STXBP6: variants seen among roughly 807,000 people sequenced by gnomAD.
The protein encoded by STXBP6 is syntaxin binding protein 6.
In STXBP6, 21 loss-of-function variants were observed where a neutral mutation model predicts 26.9. That is an observed-to-expected ratio of 0.78 (90% CI 0.55 to 1.12). STXBP6 has a LOEUF of 1.12. STXBP6 is among the 50% of genes most tolerant of loss of function. STXBP6 has a pLI of 0.00. For missense variants in STXBP6, 232 were observed against 257.9 expected, an observed-to-expected ratio of 0.90 and a Z score of 0.69; for synonymous variants, 97 against 92.6, an observed-to-expected ratio of 1.05 and a Z score of -0.27.
chr14:24,938,993 A>AAAT (rs964612333), intron 2 of STXBP6, among the ~76,000 whole-genome samples: 7 of 152,136 alleles, frequency 4.6e-5, no homozygotes, highest in Non-Finnish European at 1.0e-4. Flanking sequence ...TAAAACTGAA[A>AAAT]AATAATAATA....
intron 2 of STXBP6, among the ~76,000 whole-genome samples, chr14:24,881,412 T>C (rs1223302863): frequency 6.6e-6 from 1 of 152,212 alleles, no homozygotes; most frequent in African/African-American, 2.4e-5. Context: ...TATTTGAGAC[T>C]CCATTCAAAA....
chr14:25,009,289 C>G (rs543531343), intron 1 of STXBP6, among the ~76,000 whole-genome samples: 1 of 152,284 alleles, frequency 6.6e-6, no homozygotes, highest in Admixed American at 6.5e-5. Flanking sequence ...AAAACCTAAA[C>G]ATACAGCTTT....
At chr14:24,989,560 C>T (rs1416941070) in intron 1 of STXBP6, among the ~76,000 whole-genome samples, 1 of 152,154 alleles carries the variant, frequency 6.6e-6, no homozygotes, top group African/African-American at 2.4e-5. Context: ...TGATAAAGTG[C>T]CACAAAGCAG....
At position 25,003,971 on chromosome 14, in the gene STXBP6, A is replaced by T. The variant is rs191732164; in HGVS notation, c.-32-29121T>A. Among the ~76,000 whole-genome samples the T allele has an allele frequency of 4.8e-4, 73 of 152,360 alleles. 1 individual carries two copies. The Middle Eastern group carries it at 0.014, about 28-fold the overall frequency. The stretch of plus-strand genomic sequence containing the variant: ...TCATTAAACATTTATTGTGCCATAC[A>T]TAATATATAAAGCACTGTTTATGCT... On this transcript the variant is annotated intron_variant, in intron 1 of 5. Transcript: ENST00000323944.
At chr14:24,836,555 C>T (rs1245824813) in intron 4 of STXBP6, among the ~76,000 whole-genome samples, 3 of 136,866 alleles carry the variant, frequency 2.2e-5, no homozygotes, top group Non-Finnish European at 4.6e-5. Context: ...GCTGACATCA[C>T]ACCACTGCAC....
intron 2 of STXBP6, among the ~76,000 whole-genome samples, chr14:24,900,636 G>A (rs768936673): frequency 6.6e-6 from 1 of 152,196 alleles, no homozygotes; most frequent in Non-Finnish European, 1.5e-5. Context: ...CCGAGCTACT[G>A]TGGCTTAGTC....
chr14:25,035,242 C>T (rs917625343), intron 1 of STXBP6, among the ~76,000 whole-genome samples: 8 of 152,114 alleles, frequency 5.3e-5, no homozygotes, highest in African/African-American at 1.9e-4. Context: ...GCAGTGCTTA[C>T]TGTACCTCTG....
intron 2 of STXBP6, among the ~76,000 whole-genome samples, chr14:24,868,913 A>G (rs2069822557): frequency 6.6e-6 from 1 of 152,180 alleles, no homozygotes; most frequent in South Asian, 2.1e-4. Context: ...ATGCCTAATG[A>G]ATTGGAGGCC....
intron 2 of STXBP6, among the ~76,000 whole-genome samples, chr14:24,955,394 G>A (rs571570118): frequency 1.3e-4 from 20 of 152,242 alleles, no homozygotes; most frequent in African/African-American, 4.1e-4. Context: ...CTGCTGCAGC[G>A]CCTTCATCTT....
chr14:24,829,783 C>T (rs533657596), intron 4 of STXBP6, among the ~76,000 whole-genome samples: 1 of 151,960 alleles, frequency 6.6e-6, no homozygotes, highest in South Asian at 2.1e-4. Flanking sequence ...CACACATTGT[C>T]CCCACCCCAT....
chr14:24,827,315 A>G (rs980378890), intron 4 of STXBP6, among the ~76,000 whole-genome samples: 2 of 152,350 alleles, frequency 1.3e-5, no homozygotes, highest in South Asian at 2.1e-4. Flanking sequence ...TATGTGCTCA[A>G]TGTACTCTGT....
At chr14:24,819,709 C>G (rs2138747864) in intron 4 of STXBP6, among the ~76,000 whole-genome samples, 1 of 152,268 alleles carries the variant, frequency 6.6e-6, no homozygotes, top group African/African-American at 2.4e-5. Flanking sequence ...CATTTTACCC[C>G]TTCATCCAGC....
intron 2 of STXBP6, among the ~76,000 whole-genome samples, chr14:24,887,109 T>A (rs983758868): frequency 6.6e-6 from 1 of 152,222 alleles, no homozygotes; most frequent in Non-Finnish European, 1.5e-5. Context: ...CAGAAATGTA[T>A]AAGCTCTTGA....
intron 2 of STXBP6, among the ~76,000 whole-genome samples, chr14:24,871,003 C>G (rs2069911529): frequency 1.3e-5 from 2 of 151,962 alleles, no homozygotes; most frequent in African/African-American, 4.8e-5. Flanking sequence ...TTTATAGGCT[C>G]ATTCTTTGGC....
chr14:25,023,775 A>G (rs746757118), intron 1 of STXBP6, among the ~76,000 whole-genome samples: 6 of 152,114 alleles, frequency 3.9e-5, no homozygotes, highest in Admixed American at 6.5e-5. Context: ...GGGCAATGGA[A>G]GAAGACTGGA....
Position 24,851,317 on chromosome 14 carries a change from A to C in STXBP6, c.451+4619T>G, listed in dbSNP as rs1302778412. ...TTAGTTACACATGTATACATGTGCCATGTTGGTGTGCTGCACCCAGTAACT... is the reference window on the plus strand; with the variant it reads ...TTAGTTACACATGTATACATGTGCCCTGTTGGTGTGCTGCACCCAGTAACT... On this transcript the variant is annotated intron_variant, in intron 4 of 5. Transcript: ENST00000323944. Among the ~76,000 whole-genome samples the C allele has an allele frequency of 2.7e-5, 4 of 150,522 alleles. No individual in the cohort carries two copies. In the East Asian group the frequency reaches 7.9e-4, roughly 30 times the overall value.
At chr14:25,016,764 A>T (rs2075157705) in intron 1 of STXBP6, among the ~76,000 whole-genome samples, 1 of 152,200 alleles carries the variant, frequency 6.6e-6, no homozygotes, top group African/African-American at 2.4e-5. Flanking sequence ...AAAGCATAAA[A>T]CTTTAAAAAA....
intron 1 of STXBP6, among the ~76,000 whole-genome samples, chr14:25,016,468 C>G (rs1277922279): frequency 6.6e-6 from 1 of 152,156 alleles, no homozygotes; most frequent in Non-Finnish European, 1.5e-5. Context: ...ATTTCCTGGC[C>G]TTCCCCACCC....
At chr14:24,939,240 A>T (rs2072712946) in intron 2 of STXBP6, among the ~76,000 whole-genome samples, 1 of 152,236 alleles carries the variant, frequency 6.6e-6, no homozygotes, top group East Asian at 1.9e-4. Context: ...CTGCATCAAC[A>T]GACCACAGGG....
Sources: gnomAD v4.1 joint callset for allele counts (sites outside exome capture counted in the v4.1 genomes callset) on GRCh38, gnomAD v4.1.1 for gene constraint, MANE v1.5 for transcripts, NCBI Gene and HGNC (gene_info 2026-07-23, HGNC 2026-07-21) for gene names.